Variants in PACRG observed in about 807,000 individuals in gnomAD.
PACRG encodes the protein parkin coregulated gene protein.
A neutral mutation model predicts 29.7 loss-of-function variants in PACRG; 29 were observed. The observed-to-expected ratio is 0.98, with a 90% CI of 0.73 to 1.33. The LOEUF is 1.33. Among genes scored for constraint, PACRG ranks in the 40% most tolerant of loss-of-function variants. PACRG has a pLI of 0.00. For synonymous variants in PACRG, 116 were observed against 118.7 expected (o/e 0.98, Z 0.15); for missense variants, 279 against 316.2 (o/e 0.88, Z 0.89).
chr6:163,315,062 T>G lies in PACRG; in HGVS notation c.*75T>G. 6.7e-7 allele frequency: 1 copy of G among 1,496,738 alleles called. No homozygotes were observed. Among genetic ancestry groups the G allele is most frequent in the Non-Finnish European group, 9.1e-7 (1 of 1,099,526 alleles). The allele number at this position is 1,496,738 out of a possible 1,614,324, so 92.7% of individuals were successfully genotyped here. On this transcript the variant is annotated 3_prime_UTR_variant, in exon 5 of 5. Transcript: ENST00000366888. ...TGTCTCTGTTGCTTTTAGCATCTCA[T>G]TCCTTGTGACTTCCACAGCTTTCTT...
At chr6:163,006,190 C>T (rs1805089535) in intron 2 of PACRG, among the ~76,000 whole-genome samples, 1 of 123,976 alleles carries the variant, frequency 8.1e-6, no homozygotes, top group Non-Finnish European at 1.7e-5. Context: ...TATATAAACC[C>T]ATATATATAT....
At chr6:162,911,498 T>C (rs1796298566) in intron 2 of PACRG, among the ~76,000 whole-genome samples, 1 of 152,202 alleles carries the variant, frequency 6.6e-6, no homozygotes, top group South Asian at 2.1e-4. Flanking sequence ...GAAAAATATA[T>C]TGAGTGAAAT....
intron 4 of PACRG, among the ~76,000 whole-genome samples, chr6:163,174,323 T>C (rs1262578441): frequency 2.0e-5 from 3 of 152,204 alleles, no homozygotes; most frequent in Non-Finnish European, 4.4e-5. Flanking sequence ...CCATGGGCTG[T>C]GGGTTGGACA....
At chr6:162,871,807 A>G (rs544644226) in intron 2 of PACRG, among the ~76,000 whole-genome samples, 24 of 152,112 alleles carry the variant, frequency 1.6e-4, no homozygotes, top group African/African-American at 4.8e-4. Flanking sequence ...AGTCCCAGCT[A>G]CTCGGGAGGC....
At chr6:162,919,560 C>T (rs1047536689) in intron 2 of PACRG, among the ~76,000 whole-genome samples, 6 of 152,118 alleles carry the variant, frequency 3.9e-5, no homozygotes, top group Admixed American at 6.6e-5. Context: ...AAGTAGCAAC[C>T]CATGGTGGCA....
chr6:163,054,635 G>C (rs1810376182), intron 2 of PACRG, among the ~76,000 whole-genome samples: 1 of 152,160 alleles, frequency 6.6e-6, no homozygotes, highest in Non-Finnish European at 1.5e-5. Flanking sequence ...GAATGAGTAA[G>C]ACAGGGTTTT....
intron 1 of PACRG, among the ~76,000 whole-genome samples, chr6:162,796,627 A>T (rs1056261849): frequency 6.6e-6 from 1 of 151,806 alleles, no homozygotes; most frequent in African/African-American, 2.4e-5. Flanking sequence ...ATCATATTTC[A>T]TAGTGCTTAC....
chr6:163,138,698 C>A (rs867323436), intron 4 of PACRG, among the ~76,000 whole-genome samples: 44 of 152,244 alleles, frequency 2.9e-4, no homozygotes, highest in Non-Finnish European at 1.9e-4. Context: ...TGGTTCCTAA[C>A]AGAACGTGGA....
intron 2 of PACRG, among the ~76,000 whole-genome samples, chr6:162,841,339 G>T (rs1332943146): frequency 6.6e-6 from 1 of 150,612 alleles, no homozygotes; most frequent in African/African-American, 2.4e-5. Flanking sequence ...TGTATGTGTC[G>T]AGGAATTTAT....
chr6:163,227,855 G>C (rs1413140914), intron 4 of PACRG, among the ~76,000 whole-genome samples: 1 of 152,174 alleles, frequency 6.6e-6, no homozygotes, highest in Non-Finnish European at 1.5e-5. Flanking sequence ...ACCAGCCATA[G>C]GTTATGATAA....
intron 3 of PACRG, among the ~76,000 whole-genome samples, chr6:163,063,302 C>T (rs572132729): frequency 1.3e-5 from 2 of 152,274 alleles, no homozygotes; most frequent in East Asian, 1.9e-4. Flanking sequence ...CCCATGGCTT[C>T]GAGGGGTGAG....
intron 2 of PACRG, among the ~76,000 whole-genome samples, chr6:163,030,827 G>T (rs1331498282): frequency 6.6e-6 from 1 of 152,172 alleles, no homozygotes. Context: ...CAGTGAGGAC[G>T]ACCAGAGGTC....
chr6:163,279,409 C>T (rs1784154724), intron 4 of PACRG, among the ~76,000 whole-genome samples: 1 of 152,160 alleles, frequency 6.6e-6, no homozygotes, highest in Non-Finnish European at 1.5e-5. Context: ...TTCCCTATTG[C>T]AATTTGACTT....
chr6:163,096,351 T>C (rs73786960), intron 4 of PACRG, among the ~76,000 whole-genome samples: 5,766 of 134,784 alleles, frequency 0.043, 373 homozygotes, highest in African/African-American at 0.15. Flanking sequence ...GGCAGGAGGC[T>C]CAGGCCACTC....
intron 2 of PACRG, among the ~76,000 whole-genome samples, chr6:162,889,002 T>C (rs1269250663): frequency 6.6e-6 from 1 of 152,180 alleles, no homozygotes; most frequent in Non-Finnish European, 1.5e-5. Flanking sequence ...ATTTCTGGCA[T>C]TAGGCTCAAT....
chr6:163,179,707 CAAAAAA>C (rs200887172), intron 4 of PACRG, among the ~76,000 whole-genome samples: 12,997 of 103,892 alleles, frequency 0.13, 593 homozygotes, highest in South Asian at 0.18. Flanking sequence ...AGATCTGTCT[CAAAAAA>C]AAAAAAAAAA....
intron 3 of PACRG, among the ~76,000 whole-genome samples, chr6:163,077,831 G>A (rs560875188): frequency 6.6e-6 from 1 of 152,122 alleles, no homozygotes; most frequent in African/African-American, 2.4e-5. Context: ...CTGGTCACTC[G>A]CCAGAGGAAG....
chr6:163,136,215 A>T (rs1816932320), intron 4 of PACRG, among the ~76,000 whole-genome samples: 1 of 152,164 alleles, frequency 6.6e-6, no homozygotes, highest in Non-Finnish European at 1.5e-5. Context: ...TCAATTATTG[A>T]CAGCATCACC....
At chr6:163,252,274 G>A (rs1465006750) in intron 4 of PACRG, among the ~76,000 whole-genome samples, 1 of 152,252 alleles carries the variant, frequency 6.6e-6, no homozygotes, top group Non-Finnish European at 1.5e-5. Context: ...CCCAAGCATC[G>A]CTGACGCTCG....
Sources: gnomAD v4.1 joint callset for allele counts (sites outside exome capture counted in the v4.1 genomes callset) on GRCh38, gnomAD v4.1.1 for gene constraint, MANE v1.5 for transcripts, NCBI Gene and HGNC (gene_info 2026-07-23, HGNC 2026-07-21) for gene names.